SLC4A10: variants seen among roughly 807,000 people sequenced by gnomAD.
The protein encoded by SLC4A10 is solute carrier family 4 member 10.
Under a neutral mutation model 137.7 loss-of-function variants are expected in SLC4A10, and 42 were observed. That is an observed-to-expected ratio of 0.30 (90% CI 0.24 to 0.39). The LOEUF (loss-of-function observed/expected upper bound fraction) is 0.39. Ranked by LOEUF, SLC4A10 falls within the 10% of genes least tolerant of loss-of-function variation. The pLI is 1.00. For missense variants in SLC4A10, 925 were observed against 1,355.0 expected (o/e 0.68, Z 4.98); for synonymous variants, 474 against 464.1 (o/e 1.02, Z -0.27).
intron 9 of SLC4A10, 149 bp downstream of exon 9, chr2:161,879,437 A>T: frequency 1.3e-6 from 1 of 790,524 alleles, no homozygotes; most frequent in Non-Finnish European, 1.9e-6. Context: ...TTTGTGGAGG[A>T]GGGGAAAAGT....
intron 26 of SLC4A10, among the ~76,000 whole-genome samples, chr2:161,981,644 T>C (rs1700229740): frequency 6.6e-6 from 1 of 152,144 alleles, no homozygotes; most frequent in African/African-American, 2.4e-5. Context: ...CATACACTTG[T>C]CATATAAAAG....
intron 3 of SLC4A10, among the ~76,000 whole-genome samples, chr2:161,828,919 T>C (rs974573801): frequency 6.7e-6 from 1 of 149,896 alleles, no homozygotes; most frequent in Non-Finnish European, 1.5e-5. Flanking sequence ...ATTATTCTAT[T>C]TCTAAATTAT....
At chr2:161,738,637 G>C (rs1401181656) in intron 1 of SLC4A10, among the ~76,000 whole-genome samples, 1 of 152,180 alleles carries the variant, frequency 6.6e-6, no homozygotes, top group East Asian at 1.9e-4. Context: ...CAAGAAGGAA[G>C]CTTTAGGCTA....
In SLC4A10 at chr2:161,882,128, T is replaced by TTA. The variant is rs1553606485; in HGVS notation, c.1107-229_1107-228insTA. On this transcript the variant is annotated intron_variant, in intron 9 of 26. Coordinates refer to ENST00000446997, the MANE Select transcript of SLC4A10 (RefSeq NM_001178015.2). ...ATAACTAAACGGAGAAACACTGTGA[T>TTA]AAAAAAAAAAAACACGGAAAACCAT... is the stretch of plus-strand genomic sequence containing the variant. Among the ~76,000 whole-genome samples, 9 of 136,792 alleles carry TTA rather than the reference T, an allele frequency of 6.6e-5. 1 individual carries two copies. The highest frequency in any genetic ancestry group is 4.7e-4 in the South Asian group (2 of 4,300). 89.7% of individuals were successfully genotyped at this position (136,792 alleles called of 152,430 possible).
chr2:161,879,113 A>C lies in SLC4A10; in HGVS notation c.949-18A>C. The C allele has an allele frequency of 6.2e-7, 1 of 1,611,520 alleles. No homozygotes were observed. The highest frequency in any genetic ancestry group is 2.2e-5 in the East Asian group (1 of 44,824). On this transcript the variant is annotated intron_variant, in intron 8 of 26. Transcript: ENST00000446997. The stretch of plus-strand genomic sequence containing the variant: ...TTTCCAATTTTGATTTATCATATTT[A>C]CCTGGTGATGCTTGCAGGTTGATCT...
In SLC4A10 at chr2:161,763,783, G is replaced by C. The variant is rs1252636659; in HGVS notation, c.49-7190G>C. 2.6e-5 allele frequency among the ~76,000 whole-genome samples: 4 copies of C among 152,158 alleles called. No homozygotes were observed. The East Asian group carries it at 5.8e-4, about 22-fold the overall frequency. On this transcript the variant is annotated intron_variant, in intron 1 of 26. Transcript: ENST00000446997. Reference sequence around the variant, plus strand: ...TCTGGTGATGTAGTTTATAAAGAGAGAGCATGGGGAAAAGAGTGCTAAGCA... The same window carrying C: ...TCTGGTGATGTAGTTTATAAAGAGACAGCATGGGGAAAAGAGTGCTAAGCA...
chr2:161,937,687 A>G (rs1044673264), intron 15 of SLC4A10, among the ~76,000 whole-genome samples: 1 of 152,242 alleles, frequency 6.6e-6, no homozygotes, highest in African/African-American at 2.4e-5. Context: ...TGTCCAACTT[A>G]GCATGCTGTC....
At chr2:161,748,265 C>A (rs924586935) in intron 1 of SLC4A10, among the ~76,000 whole-genome samples, 1 of 152,016 alleles carries the variant, frequency 6.6e-6, no homozygotes, top group African/African-American at 2.4e-5. Flanking sequence ...TGTGCAGAAA[C>A]TTCTTAGTTT....
At chr2:161,976,996 C>A (rs983175455) in intron 25 of SLC4A10, 120 bp downstream of exon 25, 2 of 578,288 alleles carry the variant, frequency 3.5e-6, no homozygotes, top group African/African-American at 1.9e-5. Context: ...CCAGAAAATT[C>A]TTTCCAAAAG....
chr2:161,824,653 C>A (rs1476393295), intron 3 of SLC4A10, among the ~76,000 whole-genome samples: 2 of 152,102 alleles, frequency 1.3e-5, no homozygotes, highest in Non-Finnish European at 2.9e-5. Context: ...TGCCAGAAAA[C>A]AAATTCACAT....
At chr2:161,659,154 G>C (rs1452986171) in intron 1 of SLC4A10, among the ~76,000 whole-genome samples, 2 of 152,142 alleles carry the variant, frequency 1.3e-5, no homozygotes, top group Non-Finnish European at 2.9e-5. Context: ...GAATCAATCT[G>C]TGTGTCCATC....
intron 1 of SLC4A10, among the ~76,000 whole-genome samples, chr2:161,754,717 G>A (rs777924585): frequency 3.3e-5 from 5 of 152,052 alleles, no homozygotes; most frequent in African/African-American, 1.2e-4. Context: ...TATATGCAAT[G>A]CATTTGAAAG....
intron 2 of SLC4A10, among the ~76,000 whole-genome samples, chr2:161,790,387 T>C (rs2054069556): frequency 6.6e-6 from 1 of 152,206 alleles, no homozygotes; most frequent in Non-Finnish European, 1.5e-5. Flanking sequence ...TTATTTCAAA[T>C]GTTTTTTCTT....
intron 1 of SLC4A10, among the ~76,000 whole-genome samples, chr2:161,769,162 C>A (rs2051258678): frequency 6.6e-6 from 1 of 151,918 alleles, no homozygotes; most frequent in African/African-American, 2.4e-5. Context: ...TGTTAGAGCC[C>A]TTTCTAACCC....
At chr2:161,941,320 G>C (rs1692644298) in intron 15 of SLC4A10, among the ~76,000 whole-genome samples, 1 of 152,120 alleles carries the variant, frequency 6.6e-6, no homozygotes, top group South Asian at 2.1e-4. Flanking sequence ...GTGGGAAATG[G>C]AGCCTCTGGT....
intron 10 of SLC4A10, among the ~76,000 whole-genome samples, chr2:161,891,871 G>A (rs1465424431): frequency 6.6e-6 from 1 of 151,968 alleles, no homozygotes; most frequent in Non-Finnish European, 1.5e-5. Flanking sequence ...TGGAGGAGAA[G>A]CAGCATTCTG....
intron 1 of SLC4A10, among the ~76,000 whole-genome samples, chr2:161,659,678 A>C (rs1380451236): frequency 6.6e-6 from 1 of 152,228 alleles, no homozygotes; most frequent in African/African-American, 2.4e-5. Context: ...GCAAAGGAAA[A>C]CATATGTCCA....
intron 22 of SLC4A10, 68 bp downstream of exon 22, chr2:161,964,376 A>C: frequency 6.7e-7 from 1 of 1,488,282 alleles, no homozygotes; most frequent in Non-Finnish European, 9.3e-7. Context: ...ACATAAACAC[A>C]TGAATTGAAA....
At chr2:161,952,221 G>C (rs925037372) in intron 19 of SLC4A10, among the ~76,000 whole-genome samples, 1 of 152,244 alleles carries the variant, frequency 6.6e-6, no homozygotes, top group Admixed American at 6.5e-5. Context: ...AGTGAAATGT[G>C]TGCTGAGATT....
Sources: allele counts gnomAD v4.1 joint callset (sites outside exome capture counted in the v4.1 genomes callset), GRCh38; gene constraint gnomAD v4.1.1; transcripts MANE v1.5; gene names NCBI Gene and HGNC (gene_info 2026-07-23, HGNC 2026-07-21).